Variants in ZNF385D observed in about 807,000 individuals in gnomAD.
ZNF385D encodes the protein zinc finger protein 659.
Under a neutral mutation model 35.8 loss-of-function variants are expected in ZNF385D, and 15 were observed. The ratio of observed to expected loss-of-function variants is 0.42; its 90% CI spans 0.28 to 0.64. The LOEUF (loss-of-function observed/expected upper bound fraction) is 0.64. Ranked by LOEUF, ZNF385D falls within the 30% of genes least tolerant of loss-of-function variation. The probability of loss-of-function intolerance (pLI) is 0.23; values close to 1 mark genes in which losing one functional copy is unlikely to be tolerated. For synonymous variants in ZNF385D, 212 were observed against 186.8 expected, an observed-to-expected ratio of 1.13 and a Z score of -1.10; for missense variants, 474 against 494.6, an observed-to-expected ratio of 0.96 and a Z score of 0.39.
intron 2 of ZNF385D, among the ~76,000 whole-genome samples, chr3:22,183,807 G>C (rs1011053094): frequency 6.6e-6 from 1 of 150,586 alleles, no homozygotes; most frequent in African/African-American, 2.4e-5. Flanking sequence ...AGAACTATTA[G>C]TTATTTTTTC....
intron 2 of ZNF385D, among the ~76,000 whole-genome samples, chr3:22,334,539 G>A (rs1490784219): frequency 6.6e-6 from 1 of 152,106 alleles, no homozygotes; most frequent in East Asian, 1.9e-4. Context: ...TGACTGAAAT[G>A]TGCGTGTTCT....
At chr3:22,286,348 A>T (rs972900168) in intron 2 of ZNF385D, among the ~76,000 whole-genome samples, 2 of 152,104 alleles carry the variant, frequency 1.3e-5, no homozygotes, top group East Asian at 1.9e-4. Flanking sequence ...CCAATAAACC[A>T]ACTCTTAGTT....
chr3:22,106,184 G>A (rs1241775655), intron 3 of ZNF385D, among the ~76,000 whole-genome samples: 1 of 152,120 alleles, frequency 6.6e-6, no homozygotes, highest in South Asian at 2.1e-4. Context: ...TGCTACCTGA[G>A]TTGAAAATCA....
chr3:21,441,675 T>C, intron 4 of ZNF385D: 1 of 985,146 alleles, frequency 1.0e-6, no homozygotes, highest in Non-Finnish European at 1.2e-6. Context: ...AACCTATAGC[T>C]CTCAACTAAC....
At chr3:22,261,401 T>C (rs1243588984) in intron 2 of ZNF385D, among the ~76,000 whole-genome samples, 1 of 152,000 alleles carries the variant, frequency 6.6e-6, no homozygotes, top group Non-Finnish European at 1.5e-5. Flanking sequence ...TGAATTAGCT[T>C]GGTAAGGCTA....
At chr3:22,116,899 T>G (rs1450049304) in intron 3 of ZNF385D, among the ~76,000 whole-genome samples, 2 of 152,188 alleles carry the variant, frequency 1.3e-5, no homozygotes, top group East Asian at 3.9e-4. Flanking sequence ...GTTGTCACCA[T>G]GTGCTAGTCA....
intron 3 of ZNF385D, among the ~76,000 whole-genome samples, chr3:22,057,818 G>GT (rs1699484786): frequency 6.6e-6 from 1 of 152,054 alleles, no homozygotes; most frequent in Admixed American, 6.6e-5. Flanking sequence ...CCGGCCTCAC[G>GT]TTTTTAAAAC....
At chr3:22,225,734 G>T (rs759470951) in intron 2 of ZNF385D, among the ~76,000 whole-genome samples, 1 of 152,014 alleles carries the variant, frequency 6.6e-6, no homozygotes, top group African/African-American at 2.4e-5. Flanking sequence ...TTAAATTCTT[G>T]TCACAAGGTC....
intron 1 of ZNF385D, among the ~76,000 whole-genome samples, chr3:21,738,983 C>A (rs570148157): frequency 6.6e-6 from 1 of 152,298 alleles, no homozygotes; most frequent in South Asian, 2.1e-4. Context: ...TCCCCACTTA[C>A]CAGTGATAAT....
chr3:21,949,677 G>C (rs1701969974), intron 3 of ZNF385D, among the ~76,000 whole-genome samples: 1 of 151,176 alleles, frequency 6.6e-6, no homozygotes, highest in Admixed American at 6.6e-5. Context: ...ATCTACATTA[G>C]GTATTTCTCC....
intron 3 of ZNF385D, among the ~76,000 whole-genome samples, chr3:21,849,443 T>C (rs1696232914): frequency 1.3e-5 from 2 of 152,010 alleles, no homozygotes; most frequent in South Asian, 4.1e-4. Flanking sequence ...CACATGTCCT[T>C]TCTCTAACAT....
At chr3:21,939,423 T>G (rs1422513866) in intron 3 of ZNF385D, among the ~76,000 whole-genome samples, 1 of 152,124 alleles carries the variant, frequency 6.6e-6, no homozygotes, top group Non-Finnish European at 1.5e-5. Context: ...CTGTACAACT[T>G]TTTACCATAG....
intron 3 of ZNF385D, among the ~76,000 whole-genome samples, chr3:22,001,396 A>G (rs1695836247): frequency 6.6e-6 from 1 of 152,172 alleles, no homozygotes; most frequent in Non-Finnish European, 1.5e-5. Context: ...AAAGAAAGTC[A>G]TTATATAATA....
chr3:22,000,106 C>T (rs1695742822), intron 3 of ZNF385D, among the ~76,000 whole-genome samples: 1 of 151,978 alleles, frequency 6.6e-6, no homozygotes, highest in Admixed American at 6.6e-5. Context: ...GAGATCAAGA[C>T]CATCCTGGCT....
intron 3 of ZNF385D, among the ~76,000 whole-genome samples, chr3:22,065,986 T>TA (rs1699930364): frequency 6.6e-6 from 1 of 152,136 alleles, no homozygotes; most frequent in Non-Finnish European, 1.5e-5. Context: ...ACCTAAGGAT[T>TA]ATTTATTCCT....
At chr3:21,764,108 T>C (rs1559598845) in intron 3 of ZNF385D, among the ~76,000 whole-genome samples, 1 of 151,888 alleles carries the variant, frequency 6.6e-6, no homozygotes, top group African/African-American at 2.4e-5. Flanking sequence ...GAATTTGACG[T>C]CTAATATAAA....
chr3:22,215,062 T>C lies in ZNF385D; in HGVS notation c.107-46027A>G, dbSNP rs557533917. 4.7e-4 allele frequency among the ~76,000 whole-genome samples: 72 copies of C among 152,138 alleles called. 1 individual carries two copies. The South Asian group carries it at 0.015, about 31-fold the overall frequency. ...CTCTCTTTTGTACTCTGTCCCTTTA[T>C]TTCTCAGACCGGCTGACACTTAAGG... On this transcript the variant is annotated intron_variant, in intron 2 of 5. Transcript: ENST00000494108.
At chr3:21,694,374 G>C (rs1269785986) in intron 1 of ZNF385D, among the ~76,000 whole-genome samples, 1 of 151,994 alleles carries the variant, frequency 6.6e-6, no homozygotes, top group Non-Finnish European at 1.5e-5. Context: ...TGCAAGAAGG[G>C]CTCATAGGAC....
intron 3 of ZNF385D, among the ~76,000 whole-genome samples, chr3:22,087,784 G>A (rs1383080): frequency 0.15 from 23,097 of 152,042 alleles, 2,084 homozygotes; most frequent in Middle Eastern, 0.26. Context: ...TATTAATAAT[G>A]GGAAAAAGAA....
Sources: allele counts gnomAD v4.1 joint callset (sites outside exome capture counted in the v4.1 genomes callset), GRCh38; gene constraint gnomAD v4.1.1; transcripts MANE v1.5; gene names NCBI Gene and HGNC (gene_info 2026-07-23, HGNC 2026-07-21).